Variants in ENPEP observed in about 807,000 individuals in gnomAD.
ENPEP encodes the protein AP-A.
Under a neutral mutation model 114.5 loss-of-function variants are expected in ENPEP, and 103 were observed. The ratio of observed to expected loss-of-function variants is 0.90; its 90% confidence interval spans 0.77 to 1.06. The LOEUF (loss-of-function observed/expected upper bound fraction) is 1.06, where lower values mean the gene tolerates loss of function less well. ENPEP is among the 50% of genes least tolerant of loss of function. ENPEP has a pLI of 0.00. For missense variants in ENPEP, 1,196 were observed against 1,161.3 expected, an observed-to-expected ratio of 1.03 and a Z score of -0.43; for synonymous variants, 420 against 422.0, an observed-to-expected ratio of 1.00 and a Z score of 0.06.
At chr4:110,512,988 A>G (rs1725632589) in intron 6 of ENPEP, 1 of 153,504 alleles carries the variant, frequency 6.5e-6, no homozygotes, top group Non-Finnish European at 1.4e-5. Context: ...AAATTCCAAT[A>G]ACAAGTTAAT....
chr4:110,520,778 A>G (rs1002315183), intron 10 of ENPEP, among the ~76,000 whole-genome samples: 4 of 152,182 alleles, frequency 2.6e-5, no homozygotes, highest in African/African-American at 9.7e-5. Flanking sequence ...GTTAGCATGA[A>G]GACTGAAGGG....
intron 8 of ENPEP, among the ~76,000 whole-genome samples, chr4:110,518,811 C>A (rs924389876): frequency 2.4e-4 from 37 of 152,100 alleles, no homozygotes; most frequent in African/African-American, 7.7e-4. Flanking sequence ...TCCAGTTCCA[C>A]GATTGCATGG....
intron 6 of ENPEP, 111 bp downstream of exon 6, chr4:110,510,469 CG>C: frequency 1.1e-6 from 1 of 882,760 alleles, no homozygotes; most frequent in Non-Finnish European, 1.8e-6. Flanking sequence ...CAGTGGTGAG[CG>C]GGGAATTCCA....
chr4:110,561,703 C>A lies in ENPEP; in HGVS notation c.*145C>A. 1.4e-6 allele frequency: 1 copy of A among 731,584 alleles called. No homozygotes were observed. The highest frequency in any genetic ancestry group is 2.1e-6 in the Non-Finnish European group (1 of 466,470). 45.3% of individuals were successfully genotyped at this position (731,584 alleles called of 1,614,324 possible). ...CACTGTGTTTATATGTCTTGCAAAG[C>A]CTTTAAATTGTTCCTCTTTGTTTAT... On this transcript the variant is annotated 3_prime_UTR_variant, in exon 20 of 20. Coordinates refer to ENST00000265162, the MANE Select transcript of ENPEP (RefSeq NM_001977.4).
intron 11 of ENPEP, among the ~76,000 whole-genome samples, chr4:110,535,574 C>G (rs1268486171): frequency 6.6e-6 from 1 of 152,144 alleles, no homozygotes; most frequent in African/African-American, 2.4e-5. Context: ...ACCAAACATA[C>G]AAGAGATTAA....
At chr4:110,522,807 A>G (rs925918932) in intron 10 of ENPEP, among the ~76,000 whole-genome samples, 1 of 152,242 alleles carries the variant, frequency 6.6e-6, no homozygotes, top group African/African-American at 2.4e-5. Flanking sequence ...AGTACATTAA[A>G]GACGCTTTCA....
chr4:110,533,750 C>T (rs888624222), intron 11 of ENPEP, among the ~76,000 whole-genome samples: 1 of 152,190 alleles, frequency 6.6e-6, no homozygotes, highest in African/African-American at 2.4e-5. Flanking sequence ...ATACATTTCA[C>T]ACATTTTTTT....
intron 10 of ENPEP, among the ~76,000 whole-genome samples, chr4:110,524,119 A>AAT (rs975719672): frequency 4.6e-5 from 7 of 152,026 alleles, no homozygotes; most frequent in South Asian, 4.1e-4. Flanking sequence ...AAGAGAAAGT[A>AAT]ATATATATAT....
chr4:110,503,124 A>G (rs1214967678), intron 3 of ENPEP, among the ~76,000 whole-genome samples: 3 of 152,050 alleles, frequency 2.0e-5, no homozygotes, highest in African/African-American at 7.2e-5. Context: ...CTCATTGTTC[A>G]ATTCCCACCT....
chr4:110,549,413 T>G lies in ENPEP; in HGVS notation c.2219T>G (p.Val740Gly). The G allele has an allele frequency of 6.2e-7, 1 of 1,613,266 alleles. No homozygotes were observed. Among genetic ancestry groups the G allele is most frequent in the South Asian group, 1.1e-5 (1 of 91,070 alleles). The change falls in exon 15 of 20, where the codon GTC (valine) becomes GGC (glycine). Residue 740 changes from valine (V) to glycine (G), a missense_variant. By Grantham distance (109) the Val-to-Gly change is moderately radical. Transcript: ENST00000265162. ...GGATGGAATGATGCTGGAGACCATG[T>G]CACAAAGTTATTCTCACTTTTTAAC... is the stretch of plus-strand genomic sequence containing the variant. ...SLGWNDAGDH[V>G]TKLLRSSVLG...
intron 8 of ENPEP, among the ~76,000 whole-genome samples, chr4:110,517,796 T>A (rs572112906): frequency 3.3e-5 from 5 of 152,226 alleles, no homozygotes; most frequent in Non-Finnish European, 5.9e-5. Flanking sequence ...CCAAACACCC[T>A]TTTCCTTCAA....
Position 110,520,331 on chromosome 4 carries a change from A to G in ENPEP, c.1692A>G (p.Pro564=). ...NITQKRFLLD[P]RANPSQPPSD... is the part of the protein sequence containing the mutation. The stretch of plus-strand genomic sequence containing the variant: ...CACAGAAACGCTTTTTGTTGGACCC[A>G]AGAGCTAACCCTTCTCAGCCCCCTT... Residue 564 remains proline, a synonymous_variant, in exon 10 of 20, where the codon CCA becomes CCG. Coordinates refer to ENST00000265162, the MANE Select transcript of ENPEP (RefSeq NM_001977.4). 3 of 1,614,138 alleles carry G rather than the reference A, an allele frequency of 1.9e-6. No individual in the cohort carries two copies. The highest frequency in any genetic ancestry group is 2.5e-6 in the Non-Finnish European group (3 of 1,179,980).
chr4:110,538,648 T>C (rs1236054825), intron 11 of ENPEP, among the ~76,000 whole-genome samples: 1 of 152,248 alleles, frequency 6.6e-6, no homozygotes, highest in African/African-American at 2.4e-5. Flanking sequence ...GTTTAGAACT[T>C]GGCTAACTGT....
At chr4:110,495,268 A>C (rs1018278157) in intron 3 of ENPEP, among the ~76,000 whole-genome samples, 4 of 152,342 alleles carry the variant, frequency 2.6e-5, no homozygotes, top group Admixed American at 2.0e-4. Context: ...TGGAAAACGC[A>C]AAGTAGGAAA....
intron 11 of ENPEP, 59 bp downstream of exon 11, chr4:110,531,336 A>G (rs1441535886): frequency 7.1e-6 from 9 of 1,271,560 alleles, no homozygotes; most frequent in East Asian, 5.5e-5. Flanking sequence ...TTAAACTAAT[A>G]TAAGTATAAA....
At chr4:110,557,015 A>G (rs777705194) in intron 18 of ENPEP, among the ~76,000 whole-genome samples, 2 of 152,208 alleles carry the variant, frequency 1.3e-5, no homozygotes, top group Non-Finnish European at 2.9e-5. Context: ...GTAAATTATT[A>G]AAGTATAAAA....
At chr4:110,528,602 A>G (rs1726287935) in intron 10 of ENPEP, among the ~76,000 whole-genome samples, 1 of 152,196 alleles carries the variant, frequency 6.6e-6, no homozygotes, top group Non-Finnish European at 1.5e-5. Context: ...TGTATAAGTT[A>G]TTGCTTTAAC....
rs144871834 is a variant in ENPEP, at chr4:110,552,484, G to A, written c.2502-831G>A. Among the ~76,000 whole-genome samples the A allele has an allele frequency of 3.3e-5, 5 of 152,242 alleles. No individual in the cohort carries two copies. In the East Asian group the frequency reaches 7.7e-4, roughly 23 times the overall value. Reference sequence around the variant, plus strand: ...CAAGTTGAACAGTGATCCCTTTGTTGTAGTTATTATCTCAATATCTTCCTA... The same window carrying A: ...CAAGTTGAACAGTGATCCCTTTGTTATAGTTATTATCTCAATATCTTCCTA... On this transcript the variant is annotated intron_variant, in intron 17 of 19. Coordinates refer to ENST00000265162, the MANE Select transcript of ENPEP (RefSeq NM_001977.4).
At chr4:110,500,237 G>A (rs1032556988) in intron 3 of ENPEP, 1 of 152,182 alleles carries the variant, frequency 6.6e-6, no homozygotes, top group Middle Eastern at 3.4e-3. Context: ...TGAATGAAAG[G>A]GATAACATTA....
Sources: gnomAD v4.1 joint callset for allele counts (sites outside exome capture counted in the v4.1 genomes callset) on GRCh38, gnomAD v4.1.1 for gene constraint, MANE v1.5 for transcripts, NCBI Gene and HGNC (gene_info 2026-07-23, HGNC 2026-07-21) for gene names.